Variants in ADCY2 observed in about 807,000 individuals in gnomAD.
ADCY2 encodes adenylate cyclase type 2.
Under a neutral mutation model 125.2 loss-of-function variants are expected in ADCY2, and 31 were observed. That is an observed-to-expected ratio of 0.25 (90% CI 0.19 to 0.33). The LOEUF is 0.33. Ranked by LOEUF, ADCY2 falls within the 10% of genes least tolerant of loss-of-function variation. The probability of loss-of-function intolerance (pLI) is 1.00; values close to 1 mark genes in which losing one functional copy is unlikely to be tolerated. For missense variants in ADCY2, 904 were observed against 1,418.2 expected (o/e 0.64, Z 5.82); for synonymous variants, 512 against 548.4 (o/e 0.93, Z 0.93).
chr5:7,730,355 A>G (rs1284168320), intron 14 of ADCY2, among the ~76,000 whole-genome samples: 1 of 152,212 alleles, frequency 6.6e-6, no homozygotes, highest in Admixed American at 6.5e-5. Context: ...GCTTAATTCA[A>G]TACATTCTGA....
chr5:7,783,514 C>G (rs907515293), intron 18 of ADCY2, among the ~76,000 whole-genome samples: 1 of 151,876 alleles, frequency 6.6e-6, no homozygotes, highest in Non-Finnish European at 1.5e-5. Flanking sequence ...TGTCCTTGAA[C>G]CCCCCACAGA....
chr5:7,568,849 T>C (rs1162553160), intron 3 of ADCY2, among the ~76,000 whole-genome samples: 1 of 152,142 alleles, frequency 6.6e-6, no homozygotes. Flanking sequence ...GAAGTACATT[T>C]TTTTTCCTCA....
At chr5:7,804,787 TG>T in intron 22 of ADCY2, 95 bp downstream of exon 22, 3 of 851,028 alleles carry the variant, frequency 3.5e-6, no homozygotes, top group Non-Finnish European at 3.9e-6. Flanking sequence ...CCCCAAGAAC[TG>T]TATATTTTGT....
intron 19 of ADCY2, among the ~76,000 whole-genome samples, chr5:7,787,617 T>C (rs1744121193): frequency 6.6e-6 from 1 of 152,134 alleles, no homozygotes; most frequent in South Asian, 2.1e-4. Context: ...TCTAAACAGA[T>C]TGCATTGCTT....
chr5:7,508,305 T>A (rs1300409904), intron 2 of ADCY2, among the ~76,000 whole-genome samples: 1 of 152,204 alleles, frequency 6.6e-6, no homozygotes, highest in Admixed American at 6.5e-5. Flanking sequence ...TAATACTGAA[T>A]AACAAGCCCC....
At chr5:7,570,367 G>A (rs1455912887) in intron 3 of ADCY2, among the ~76,000 whole-genome samples, 1 of 152,038 alleles carries the variant, frequency 6.6e-6, no homozygotes, top group African/African-American at 2.4e-5. Flanking sequence ...TGTAATAAAT[G>A]CAGTTTAAAA....
chr5:7,730,744 G>A lies in ADCY2; in HGVS notation c.1871+3483G>A, dbSNP rs142099765. On this transcript the variant is annotated intron_variant, in intron 14 of 24. Transcript: ENST00000338316. ...TACATCTTCTATTTTTGTTAATGAA[G>A]TATTTCTGTCAGTCTCATTACATTC... 2.2e-3 allele frequency among the ~76,000 whole-genome samples: 331 copies of A among 152,180 alleles called. 3 individuals carry two copies. The highest frequency in any genetic ancestry group is 7.6e-3 in the African/African-American group (316 of 41,518).
chr5:7,795,321 C>A (rs968482641), intron 20 of ADCY2: 1 of 152,252 alleles, frequency 6.6e-6, no homozygotes. Context: ...AGAATCACTG[C>A]CCCTGGGAAT....
intron 2 of ADCY2, among the ~76,000 whole-genome samples, chr5:7,474,523 G>A (rs1742449440): frequency 6.6e-6 from 1 of 152,216 alleles, no homozygotes; most frequent in Admixed American, 6.5e-5. Flanking sequence ...AGCCTTAAGA[G>A]TTGTGGTTGT....
intron 1 of ADCY2, among the ~76,000 whole-genome samples, chr5:7,410,305 C>G (rs552179649): frequency 6.6e-6 from 1 of 151,658 alleles, no homozygotes; most frequent in African/African-American, 2.4e-5. Flanking sequence ...TCTTTTACCA[C>G]CCTCATACAA....
chr5:7,586,275 T>C (rs1024738372), intron 3 of ADCY2, among the ~76,000 whole-genome samples: 1 of 152,228 alleles, frequency 6.6e-6, no homozygotes, highest in Non-Finnish European at 1.5e-5. Context: ...AAGCTGATCA[T>C]TGCATTTAAA....
In ADCY2 at chr5:7,749,437, T is replaced by C. The variant is rs141792075; in HGVS notation, c.1956+5685T>C. On this transcript the variant is annotated intron_variant, in intron 15 of 24. Coordinates refer to ENST00000338316, the MANE Select transcript of ADCY2 (RefSeq NM_020546.3). The stretch of plus-strand genomic sequence containing the variant: ...GATAATGAAAATAATCCATTTTATC[T>C]AGGCAGAAGCTAAGACTAGAATAAG... Among the ~76,000 whole-genome samples, 194 of 152,328 alleles carry C rather than the reference T, an allele frequency of 1.3e-3. 1 individual carries two copies. Among genetic ancestry groups the C allele is most frequent in the African/African-American group, 4.4e-3 (182 of 41,572 alleles).
At chr5:7,542,649 C>T (rs752474739) in intron 3 of ADCY2, among the ~76,000 whole-genome samples, 27 of 152,224 alleles carry the variant, frequency 1.8e-4, no homozygotes, top group South Asian at 1.2e-3. Flanking sequence ...CCCTGGCATT[C>T]GCCACGCAGC....
chr5:7,692,592 G>A (rs1162208780), intron 5 of ADCY2, among the ~76,000 whole-genome samples: 1 of 152,108 alleles, frequency 6.6e-6, no homozygotes, highest in Non-Finnish European at 1.5e-5. Flanking sequence ...GCTATTAATG[G>A]CTCTTTCTAG....
intron 2 of ADCY2, among the ~76,000 whole-genome samples, chr5:7,504,836 A>T (rs1178711544): frequency 4.0e-5 from 6 of 150,424 alleles, no homozygotes; most frequent in East Asian, 4.0e-4. Context: ...TATTATTATT[A>T]TTTTTTAAAG....
intron 7 of ADCY2, among the ~76,000 whole-genome samples, chr5:7,698,709 G>A (rs112578223): frequency 0.016 from 2,423 of 152,224 alleles, 57 homozygotes; most frequent in African/African-American, 0.047. Context: ...CCTGCCAAGG[G>A]CATGAACTCA....
At chr5:7,473,879 G>A (rs1742427219) in intron 2 of ADCY2, among the ~76,000 whole-genome samples, 1 of 152,180 alleles carries the variant, frequency 6.6e-6, no homozygotes, top group Non-Finnish European at 1.5e-5. Context: ...AATTCCCAGG[G>A]TTCTCTCCTT....
chr5:7,555,845 CAT>C (rs777298173), intron 3 of ADCY2, among the ~76,000 whole-genome samples: 8 of 144,882 alleles, frequency 5.5e-5, no homozygotes, highest in Non-Finnish European at 1.1e-4. Flanking sequence ...TTTACAGACA[CAT>C]GTGAGCGCAC....
At chr5:7,734,449 A>G (rs1219830016) in intron 14 of ADCY2, among the ~76,000 whole-genome samples, 6 of 152,244 alleles carry the variant, frequency 3.9e-5, no homozygotes, top group African/African-American at 9.6e-5. Flanking sequence ...TCCATATTCC[A>G]TAACAATGCA....
Sources: gnomAD v4.1 joint callset for allele counts (sites outside exome capture counted in the v4.1 genomes callset) on GRCh38, gnomAD v4.1.1 for gene constraint, MANE v1.5 for transcripts, NCBI Gene and HGNC (gene_info 2026-07-23, HGNC 2026-07-21) for gene names.